Variants in GSDME observed in about 807,000 individuals in gnomAD.
The protein encoded by GSDME is gasdermin-E.
In GSDME, 44 loss-of-function variants were observed where a neutral mutation model predicts 47.5. The observed-to-expected ratio is 0.93, with a 90% CI of 0.73 to 1.19. GSDME has a LOEUF of 1.19. Among genes scored for constraint, GSDME ranks in the 50% most tolerant of loss-of-function variants. GSDME has a pLI of 0.00. For synonymous variants in GSDME, 258 were observed against 252.8 expected (o/e 1.02, Z -0.20); for missense variants, 663 against 604.2 (o/e 1.10, Z -1.02).
chr7:24,713,479 G>T (rs746837995), intron 5 of GSDME, among the ~76,000 whole-genome samples: 1 of 152,220 alleles, frequency 6.6e-6, no homozygotes, highest in Non-Finnish European at 1.5e-5. Flanking sequence ...TCACAGGGAA[G>T]GAGAACCAGA....
rs1584073758 is a variant in GSDME, at chr7:24,721,204, T to C, written c.405-1986A>G. ...GTGAATGTATTTAATGCCACTGAAT[T>C]TTACACTTAAAAATGGTTACAACAG... On this transcript the variant is annotated intron_variant, in intron 3 of 9. Coordinates refer to ENST00000645220, the MANE Select transcript of GSDME (RefSeq NM_001127453.2). The surrounding 1 kb of genome is among the most constrained non-coding windows in gnomAD (Gnocchi z 4.1). 1.3e-5 allele frequency among the ~76,000 whole-genome samples: 2 copies of C among 152,130 alleles called. No individual in the cohort carries two copies. Among genetic ancestry groups the C allele is most frequent in the South Asian group, 4.1e-4 (2 of 4,822 alleles).
rs760483881 is a variant in GSDME, at chr7:24,754,338, A to C, written c.-20+3058T>G. On this transcript the variant is annotated intron_variant, in intron 1 of 9. Coordinates refer to ENST00000645220, the MANE Select transcript of GSDME (RefSeq NM_001127453.2). This position sits in a 1 kb window ranked among gnomAD's most constrained non-coding sequence, Gnocchi z 5.0. ...CCCGGTCTGTACTAAAAATACAAAA[A>C]TTAGCCAGACATGGTGGCAGGCAGT... Among the ~76,000 whole-genome samples the C allele has an allele frequency of 6.6e-4, 100 of 152,254 alleles. 1 individual carries two copies. The highest frequency in any genetic ancestry group is 5.8e-4 in the East Asian group (3 of 5,184).
At chr7:24,740,179 C>A (rs1256794833) in intron 3 of GSDME, among the ~76,000 whole-genome samples, 3 of 151,676 alleles carry the variant, frequency 2.0e-5, no homozygotes, top group South Asian at 2.1e-4. Context: ...AAACTAGGCA[C>A]AGAAAGATAA....
chr7:24,788,918 T>C, the GSDME span, among the ~76,000 whole-genome samples: 24 of 152,356 alleles, frequency 1.6e-4, no homozygotes, highest in Non-Finnish European at 2.6e-4. This position sits in a 1 kb window ranked among gnomAD's most constrained non-coding sequence, Gnocchi z 4.6. Flanking sequence ...AATTTCATTA[T>C]GTTCATATGC....
At chr7:24,768,262 G>A in the GSDME span, among the ~76,000 whole-genome samples, 396 of 152,324 alleles carry the variant, frequency 2.6e-3, 2 homozygotes, top group African/African-American at 9.2e-3. This position sits in a 1 kb window ranked among gnomAD's most constrained non-coding sequence, Gnocchi z 5.6. Context: ...TTAGGACAAC[G>A]GAGAAACACC....
chr7:24,785,574 G>A, the GSDME span, among the ~76,000 whole-genome samples: 1 of 152,156 alleles, frequency 6.6e-6, no homozygotes, highest in Non-Finnish European at 1.5e-5. Flanking sequence ...CCCTGCCTCA[G>A]CCTCCTGAGT....
In GSDME at chr7:24,714,048, G is replaced by A. The variant is rs577009987; in HGVS notation, c.697+3206C>T. 3.3e-5 allele frequency among the ~76,000 whole-genome samples: 5 copies of A among 152,336 alleles called. No individual in the cohort carries two copies. Among genetic ancestry groups the A allele is most frequent in the African/African-American group, 9.6e-5 (4 of 41,572 alleles). ...GGTGCAGCGTGGGAAACAGGTTCAC[G>A]CCCACAAGGCATCCAACTGGAAGTT... On this transcript the variant is annotated intron_variant, in intron 5 of 9. Transcript: ENST00000645220. This position sits in a 1 kb window ranked among gnomAD's most constrained non-coding sequence, Gnocchi z 5.0.
chr7:24,768,583 G>A, the GSDME span, among the ~76,000 whole-genome samples: 1 of 152,200 alleles, frequency 6.6e-6, no homozygotes, highest in African/African-American at 2.4e-5. The surrounding 1 kb of genome is among the most constrained non-coding windows in gnomAD (Gnocchi z 5.6). Context: ...TACCCTCAAA[G>A]TAGAGGTTCC....
chr7:24,717,186 A>G, intron 5 of GSDME, 68 bp downstream of exon 5: 2 of 1,228,578 alleles, frequency 1.6e-6, no homozygotes, highest in East Asian at 6.3e-5. Flanking sequence ...TCTGGAAAGC[A>G]GTCAAGTCCC....
At chr7:24,787,385 T>C in the GSDME span, among the ~76,000 whole-genome samples, 5 of 150,170 alleles carry the variant, frequency 3.3e-5, no homozygotes, top group Admixed American at 6.8e-5. This position sits in a 1 kb window ranked among gnomAD's most constrained non-coding sequence, Gnocchi z 5.0. Context: ...AGAATAATCA[T>C]GAAATTAGAA....
rs567903886 is a variant in GSDME at position 24,728,534 on chromosome 7, C to T, written c.405-9316G>A. On this transcript the variant is annotated intron_variant, in intron 3 of 9. Coordinates refer to ENST00000645220, the MANE Select transcript of GSDME (RefSeq NM_001127453.2). This position sits in a 1 kb window ranked among gnomAD's most constrained non-coding sequence, Gnocchi z 7.2. ...AATGCAGCTCAGCACCATCCACCCT[C>T]GAAGCTCTGCGCCCATCTGCCTCTC... Among the ~76,000 whole-genome samples the T allele has an allele frequency of 5.3e-5, 8 of 152,308 alleles. No individual in the cohort carries two copies. In the South Asian group the frequency reaches 1.5e-3, roughly 28 times the overall value.
At chr7:24,723,733 G>A (rs1789873450) in intron 3 of GSDME, among the ~76,000 whole-genome samples, 1 of 152,222 alleles carries the variant, frequency 6.6e-6, no homozygotes, top group South Asian at 2.1e-4. Flanking sequence ...CCTCTTCTGG[G>A]TGAGGGCACC....
the GSDME span, among the ~76,000 whole-genome samples, chr7:24,784,850 G>A: frequency 1.6e-4 from 24 of 151,972 alleles, no homozygotes; most frequent in African/African-American, 3.4e-4. Flanking sequence ...GTGAGCCACC[G>A]CGCCCGGACT....
chr7:24,701,111 A>C (rs1165077589), intron 9 of GSDME, among the ~76,000 whole-genome samples: 1 of 152,228 alleles, frequency 6.6e-6, no homozygotes, highest in East Asian at 1.9e-4. Context: ...CTAGACAAGA[A>C]AAGACAGGGC....
At chr7:24,750,803 C>A (rs527522153) in intron 1 of GSDME, among the ~76,000 whole-genome samples, 1 of 152,064 alleles carries the variant, frequency 6.6e-6, no homozygotes, top group African/African-American at 2.4e-5. Flanking sequence ...CACAGTCATA[C>A]TTTAGCAGGA....
the GSDME span, among the ~76,000 whole-genome samples, chr7:24,766,231 TCA>T: frequency 6.6e-6 from 1 of 150,392 alleles, no homozygotes; most frequent in Non-Finnish European, 1.5e-5. This position sits in a 1 kb window ranked among gnomAD's most constrained non-coding sequence, Gnocchi z 4.2. Flanking sequence ...TTGCCTGTTT[TCA>T]CAGTCAGCCT....
intron 2 of GSDME, among the ~76,000 whole-genome samples, chr7:24,748,238 C>A (rs1461580458): frequency 1.3e-5 from 2 of 150,054 alleles, no homozygotes; most frequent in African/African-American, 2.5e-5. Context: ...TGGCTCACTG[C>A]AACTTCTGCT....
chr7:24,736,365 A>G lies in GSDME; in HGVS notation c.404+8197T>C, dbSNP rs1219453317. ...AAATCACAGGCAAAAAAACAGCAGG[A>G]GTAACTATATTTATGTCAGACAAAA... On this transcript the variant is annotated intron_variant, in intron 3 of 9. Coordinates refer to ENST00000645220, the MANE Select transcript of GSDME (RefSeq NM_001127453.2). The surrounding 1 kb of genome is among the most constrained non-coding windows in gnomAD (Gnocchi z 4.6). 6.6e-6 allele frequency among the ~76,000 whole-genome samples: 1 copy of G among 152,218 alleles called. No homozygotes were observed. The highest frequency in any genetic ancestry group is 1.5e-5 in the Non-Finnish European group (1 of 68,020).
chr7:24,747,615 A>G (rs1015594820), intron 2 of GSDME, among the ~76,000 whole-genome samples: 1 of 152,232 alleles, frequency 6.6e-6, no homozygotes, highest in African/African-American at 2.4e-5. Flanking sequence ...AGTTGCCTAA[A>G]AAACTACAAC....
Sources: gnomAD v4.1 joint callset for allele counts (sites outside exome capture counted in the v4.1 genomes callset) on GRCh38, gnomAD v4.1.1 for gene constraint, Gnocchi (gnomAD v3.1) non-coding constraint, MANE v1.5 for transcripts, NCBI Gene and HGNC (gene_info 2026-07-23, HGNC 2026-07-21) for gene names.